Variants in ECPAS observed in about 807,000 individuals in gnomAD.
ECPAS encodes the protein proteasome adapter and scaffold protein ECM29.
In ECPAS, 70 loss-of-function variants were observed where a neutral mutation model predicts 255.1. The ratio of observed to expected loss-of-function variants is 0.27; its 90% confidence interval spans 0.23 to 0.33. ECPAS has a LOEUF of 0.33. Among genes scored for constraint, ECPAS ranks in the 10% least tolerant of loss-of-function variants. ECPAS has a pLI of 1.00. For synonymous variants in ECPAS, 784 were observed against 775.0 expected, an observed-to-expected ratio of 1.01 and a Z score of -0.19; for missense variants, 1,817 against 2,206.4, an observed-to-expected ratio of 0.82 and a Z score of 3.54.
At chr9:111,408,786 C>T in intron 23 of ECPAS, 114 bp from the exon 24 acceptor site, 1 of 524,326 alleles carries the variant, frequency 1.9e-6, no homozygotes, top group South Asian at 4.3e-5. Context: ...CACATCAACG[C>T]AAAAGTTTTT....
Position 111,378,749 on chromosome 9 carries a change from C to G in ECPAS, c.3804-19G>C. 6.3e-7 allele frequency: 1 copy of G among 1,593,034 alleles called. No individual in the cohort carries two copies. Among genetic ancestry groups the G allele is most frequent in the Non-Finnish European group, 8.6e-7 (1 of 1,165,422 alleles). On this transcript the variant is annotated intron_variant, in intron 35 of 49. Transcript: ENST00000684092. ...GTTAATGCTACAAACATATGGAACA[C>G]AACTCCTGAGTCCTTTTAACAAAAG...
chr9:111,417,857 T>C, intron 17 of ECPAS, 26 bp downstream of exon 17: 1 of 1,530,798 alleles, frequency 6.5e-7, no homozygotes, highest in African/African-American at 1.4e-5. Context: ...TGATTTAGAC[T>C]AATTACCTTA....
chr9:111,473,556 G>A (rs1376912382), intron 1 of ECPAS, among the ~76,000 whole-genome samples: 1 of 152,110 alleles, frequency 6.6e-6, no homozygotes, highest in Non-Finnish European at 1.5e-5. Flanking sequence ...TGAACAATAT[G>A]CCCATTCCCA....
Position 111,418,867 on chromosome 9 carries a change from T to TA in ECPAS, c.1560-862dup, listed in dbSNP as rs999624590. 3.3e-5 allele frequency among the ~76,000 whole-genome samples: 5 copies of TA among 151,988 alleles called. No homozygotes were observed. The East Asian group carries it at 5.8e-4, about 18-fold the overall frequency. On this transcript the variant is annotated intron_variant, in intron 16 of 49. Transcript: ENST00000684092. ...TCTGGCCTTGGTTGGGAAACTAACG[T>TA]AAAAAAATTAAGAAGCAACAGAGCA... is the stretch of plus-strand genomic sequence containing the variant.
intron 20 of ECPAS, 84 bp from the exon 21 acceptor site, chr9:111,412,232 G>A (rs922442778): frequency 3.0e-5 from 35 of 1,172,024 alleles, no homozygotes; most frequent in Non-Finnish European, 3.9e-5. Context: ...TTAAAAGAAC[G>A]TTCAATCTGT....
intron 35 of ECPAS, 28 bp downstream of exon 35, chr9:111,383,183 T>G: frequency 6.2e-7 from 1 of 1,611,034 alleles, no homozygotes; most frequent in Non-Finnish European, 8.5e-7. Context: ...GCAAATCCAA[T>G]ACATTCATTT....
At chr9:111,414,024 A>T in intron 19 of ECPAS, 38 bp from the exon 20 acceptor site, 1 of 1,407,390 alleles carries the variant, frequency 7.1e-7, no homozygotes, top group Non-Finnish European at 9.8e-7. Context: ...ATTTCAAGAA[A>T]AGTAATGAAC....
At chr9:111,415,529 T>C (rs989436337) in intron 18 of ECPAS, among the ~76,000 whole-genome samples, 4 of 151,768 alleles carry the variant, frequency 2.6e-5, no homozygotes, top group Non-Finnish European at 4.4e-5. Context: ...GTGAAACCCA[T>C]CTCTACCAAA....
intron 35 of ECPAS, among the ~76,000 whole-genome samples, chr9:111,382,104 C>T (rs955755338): frequency 1.3e-5 from 2 of 151,962 alleles, no homozygotes; most frequent in Non-Finnish European, 2.9e-5. Context: ...TCACCATGCA[C>T]TGGTTGTCTT....
intron 28 of ECPAS, among the ~76,000 whole-genome samples, chr9:111,392,351 T>C (rs2098161409): frequency 6.6e-6 from 1 of 152,256 alleles, no homozygotes; most frequent in Non-Finnish European, 1.5e-5. Flanking sequence ...CTGAATTAAA[T>C]GTGGTAGCAC....
At position 111,413,926 on chromosome 9, in the gene ECPAS, G is replaced by T; in HGVS notation, c.2048C>A (p.Thr683Asn). The change falls in exon 20 of 50, where the codon ACC (threonine) becomes AAC (asparagine). Residue 683 changes from threonine to asparagine, a missense_variant. Physicochemically the swap from Thr to Asn is moderately conservative, Grantham distance 65. This residue lies in a region of ECPAS where 573 missense variants were observed against 716.2 expected (regional missense o/e 0.80). Coordinates refer to ENST00000684092, the MANE Select transcript of ECPAS (RefSeq NM_001364929.1). ...AVSVYPEKLA[T>N]KFVDKTEWIK... ...CCATTCTGTTTTGTCTACAAATTTGGTAGCCAGCTTTTCTGGATACACTGA... is the reference window on the plus strand; with the variant it reads ...CCATTCTGTTTTGTCTACAAATTTGTTAGCCAGCTTTTCTGGATACACTGA... 3 of 1,586,636 alleles carry T rather than the reference G, an allele frequency of 1.9e-6. No individual in the cohort carries two copies. In the South Asian group the frequency reaches 3.5e-5, roughly 18 times the overall value.
chr9:111,411,529 CAAT>C (rs2098194439), intron 21 of ECPAS: 2 of 184,870 alleles, frequency 1.1e-5, no homozygotes, highest in Non-Finnish European at 2.2e-5. Flanking sequence ...CAACAAAAGA[CAAT>C]AAACAGATCC....
intron 46 of ECPAS, among the ~76,000 whole-genome samples, chr9:111,368,825 T>G (rs1028755093): frequency 6.6e-6 from 1 of 152,262 alleles, no homozygotes; most frequent in African/African-American, 2.4e-5. Flanking sequence ...CAGTCTGTGA[T>G]ACTTTCTTAC....
intron 21 of ECPAS, chr9:111,411,605 GT>G (rs2098194550): frequency 5.7e-6 from 1 of 175,882 alleles, no homozygotes; most frequent in Non-Finnish European, 1.2e-5. Flanking sequence ...AGTAAAACTT[GT>G]TTTTTCACTG....
rs1056095626 is a variant in ECPAS at position 111,483,442 on chromosome 9, G to A, written c.-83+674C>T. On this transcript the variant is annotated intron_variant, in intron 1 of 49. Transcript: ENST00000684092. ...CGCCCCAGCCCTCATGCGGCCGCCGGCCCCCGGCACCGCGCGGCGCCCGTT... is the reference window on the plus strand; with the variant it reads ...CGCCCCAGCCCTCATGCGGCCGCCGACCCCCGGCACCGCGCGGCGCCCGTT... 130 of 904,124 alleles carry A rather than the reference G, an allele frequency of 1.4e-4. No individual in the cohort carries two copies. In the Middle Eastern group the frequency reaches 2.2e-3, roughly 16 times the overall value. The allele number at this position is 904,124 out of a possible 1,614,324, so 56.0% of individuals were successfully genotyped here.
At chr9:111,466,616 TACAC>T (rs55763374) in intron 2 of ECPAS, among the ~76,000 whole-genome samples, 14,953 of 143,330 alleles carry the variant, frequency 0.1, 878 homozygotes, top group Non-Finnish European at 0.14. Context: ...AATAACTAAA[TACAC>T]ACACACACAC....
chr9:111,454,215 G>A (rs567138509), intron 2 of ECPAS, among the ~76,000 whole-genome samples: 1 of 148,582 alleles, frequency 6.7e-6, no homozygotes, highest in Non-Finnish European at 1.5e-5. Flanking sequence ...AACTGTAAAA[G>A]AAGTGTTCTG....
Position 111,391,816 on chromosome 9 carries a change from T to G in ECPAS, c.3101A>C (p.His1034Pro), listed in dbSNP as rs761568131. ...ETLMTGKRVK[H>P]EVSGETVVFQ... ...TACCACTGTCTCTCCAGAAACTTCA[T>G]GTTTAACTCTAAACCAAAACAATAA... The change falls in exon 29 of 50, where the codon CAT (histidine) becomes CCT (proline). Residue 1034 changes from histidine (H) to proline (P), a missense_variant. Transcript: ENST00000684092. 1 of 1,602,580 alleles carries G rather than the reference T, an allele frequency of 6.2e-7. No homozygotes were observed. Among genetic ancestry groups the G allele is most frequent in the South Asian group, 1.1e-5 (1 of 89,180 alleles).
intron 10 of ECPAS, among the ~76,000 whole-genome samples, chr9:111,427,266 T>C (rs541718554): frequency 5.4e-4 from 82 of 151,472 alleles, no homozygotes; most frequent in Non-Finnish European, 9.6e-4. Flanking sequence ...CAAGAAGTAA[T>C]AGTTTGAATT....
Sources: gnomAD v4.1 joint callset for allele counts (sites outside exome capture counted in the v4.1 genomes callset) on GRCh38, gnomAD v4.1.1 for gene constraint, gnomAD v4.1.1 regional missense constraint, MANE v1.5 for transcripts, NCBI Gene and HGNC (gene_info 2026-07-23, HGNC 2026-07-21) for gene names.